COBL: variants seen among roughly 807,000 people sequenced by gnomAD.
COBL encodes cordon-bleu WH2 repeat protein.
In COBL, 51 loss-of-function variants were observed where a neutral mutation model predicts 98.8. The observed-to-expected ratio is 0.52, with a 90% CI of 0.41 to 0.65. The LOEUF is 0.65. Ranked by LOEUF, COBL falls within the 30% of genes least tolerant of loss-of-function variation. COBL has a pLI of 0.00. For missense variants in COBL, 1,617 were observed against 1,617.5 expected, an observed-to-expected ratio of 1.00 and a Z score of 0.01; for synonymous variants, 634 against 651.7, an observed-to-expected ratio of 0.97 and a Z score of 0.41.
rs1018940994 is a variant in COBL at position 51,181,629 on chromosome 7, T to C, written c.783+2473A>G. On this transcript the variant is annotated intron_variant, in intron 5 of 12. Transcript: ENST00000265136. ...AAACGAAGTGTGTCCCAGGCTACAG[T>C]CCTCAACCTTGGCCCAGATAAACTA... 2.0e-5 allele frequency among the ~76,000 whole-genome samples: 3 copies of C among 152,224 alleles called. No individual in the cohort carries two copies. The East Asian group carries it at 5.8e-4, about 29-fold the overall frequency.
intron 2 of COBL, among the ~76,000 whole-genome samples, chr7:51,195,416 A>C (rs1346528691): frequency 6.6e-6 from 1 of 152,194 alleles, no homozygotes; most frequent in Non-Finnish European, 1.5e-5. Flanking sequence ...TGGTTACTGT[A>C]GCCCTATAGT....
intron 1 of COBL, among the ~76,000 whole-genome samples, chr7:51,242,915 G>A (rs914453835): frequency 2.0e-5 from 3 of 152,134 alleles, no homozygotes; most frequent in Non-Finnish European, 4.4e-5. Context: ...CAGGGTAACC[G>A]CTACCAAGGG....
chr7:51,026,538 C>T lies in COBL; in HGVS notation c.3504+8G>A. On this transcript the variant is annotated splice_region_variant and intron_variant, in intron 11 of 12. Coordinates refer to ENST00000265136, the MANE Select transcript of COBL (RefSeq NM_015198.5). ...TCCTGGCGCCATGGAAGGCCCTTCA[C>T]CTCTTACCTTCCTCAGGCTGCAGGT... 1.9e-6 allele frequency: 3 copies of T among 1,613,748 alleles called. No individual in the cohort carries two copies. The highest frequency in any genetic ancestry group is 1.1e-5 in the South Asian group (1 of 91,050).
chr7:51,166,924 C>CA (rs1787375997), intron 5 of COBL, among the ~76,000 whole-genome samples: 1 of 152,014 alleles, frequency 6.6e-6, no homozygotes, highest in African/African-American at 2.4e-5. Flanking sequence ...TAAAAATTCT[C>CA]AAAAAACTGG....
chr7:51,135,178 G>A (rs781000292), intron 6 of COBL, among the ~76,000 whole-genome samples: 1 of 152,130 alleles, frequency 6.6e-6, no homozygotes, highest in Non-Finnish European at 1.5e-5. Flanking sequence ...GCCATGGTTG[G>A]TCTTGAACTC....
rs139044789 is a variant in COBL at position 51,094,387 on chromosome 7, CA to C, written c.958-9084del. ...GAATATAATTTTAATAATCTCACCA[CA>C]AAAAAAAGTTAGTGAGGTAATATAT... is the stretch of plus-strand genomic sequence containing the variant. On this transcript the variant is annotated intron_variant, in intron 6 of 12. Transcript: ENST00000265136. Among the ~76,000 whole-genome samples, 229 of 151,074 alleles carry C rather than the reference CA, an allele frequency of 1.5e-3. 4 individuals are homozygous for C. The East Asian group carries it at 0.039, about 26-fold the overall frequency.
intron 12 of COBL, chr7:51,021,064 T>G (rs902363450): frequency 6.6e-6 from 1 of 152,176 alleles, no homozygotes; most frequent in Non-Finnish European, 1.5e-5. Context: ...GAGGCTGCAC[T>G]GCTAAGGGGA....
intron 5 of COBL, among the ~76,000 whole-genome samples, chr7:51,175,643 G>A (rs1047981891): frequency 3.3e-5 from 5 of 152,052 alleles, no homozygotes; most frequent in African/African-American, 7.2e-5. Context: ...TATTTGTCTC[G>A]GATACTCATT....
chr7:51,264,728 A>C (rs1798043570), intron 1 of COBL, among the ~76,000 whole-genome samples: 1 of 151,934 alleles, frequency 6.6e-6, no homozygotes, highest in Admixed American at 6.6e-5. Context: ...AAATGAACAA[A>C]ATGCTTTTAA....
intron 6 of COBL, among the ~76,000 whole-genome samples, chr7:51,115,821 T>TG (rs1407301027): frequency 1.3e-5 from 2 of 152,110 alleles, no homozygotes; most frequent in African/African-American, 4.8e-5. Flanking sequence ...TCAGTCATGC[T>TG]GTTCTCCAAT....
At chr7:51,230,409 T>C (rs17134193) in intron 1 of COBL, among the ~76,000 whole-genome samples, 6,928 of 152,248 alleles carry the variant, frequency 0.046, 396 homozygotes, top group African/African-American at 0.11. Flanking sequence ...GCCAAGCTGA[T>C]TCCAGCTCTG....
intron 6 of COBL, among the ~76,000 whole-genome samples, chr7:51,130,766 T>C (rs1798666198): frequency 6.6e-6 from 1 of 152,238 alleles, no homozygotes; most frequent in African/African-American, 2.4e-5. Context: ...TTTGGGAGTC[T>C]GGTCAGCATA....
chr7:51,248,967 G>A (rs1796497819), intron 1 of COBL, among the ~76,000 whole-genome samples: 1 of 152,158 alleles, frequency 6.6e-6, no homozygotes, highest in Non-Finnish European at 1.5e-5. Context: ...ATGTAATTAA[G>A]ATTTGGAAAA....
At chr7:51,169,390 G>A (rs76600610) in intron 5 of COBL, among the ~76,000 whole-genome samples, 7,665 of 152,174 alleles carry the variant, frequency 0.05, 287 homozygotes, top group Middle Eastern at 0.14. Flanking sequence ...GGCACATGTC[G>A]TCAGGACCTC....
In COBL at chr7:51,017,131, T is replaced by C. The variant is rs1588217922; in HGVS notation, c.*420A>G. On this transcript the variant is annotated 3_prime_UTR_variant, in exon 13 of 13. Coordinates refer to ENST00000265136, the MANE Select transcript of COBL (RefSeq NM_015198.5). ...CTGATTCATATGTTTTTTCTAAAATTCAAAAGATCTTAAATCAGTAAGTAG... is the reference window on the plus strand; with the variant it reads ...CTGATTCATATGTTTTTTCTAAAATCCAAAAGATCTTAAATCAGTAAGTAG... 2.3e-6 allele frequency: 1 copy of C among 426,070 alleles called. No homozygotes were observed. The highest frequency in any genetic ancestry group is 4.1e-6 in the Non-Finnish European group (1 of 242,794). The allele number at this position is 426,070 out of a possible 1,614,324, so 26.4% of individuals were successfully genotyped here.
chr7:51,206,777 C>A (rs1251717941), intron 2 of COBL, among the ~76,000 whole-genome samples: 1 of 152,200 alleles, frequency 6.6e-6, no homozygotes, highest in Non-Finnish European at 1.5e-5. Context: ...GACAGAAAGA[C>A]AAACACACCA....
chr7:51,262,553 A>C (rs540995613), intron 1 of COBL, among the ~76,000 whole-genome samples: 2 of 152,318 alleles, frequency 1.3e-5, no homozygotes, highest in East Asian at 3.9e-4. Flanking sequence ...GCGCACAGGA[A>C]GGATGCACTG....
At chr7:51,145,624 C>T (rs929624197) in intron 5 of COBL, among the ~76,000 whole-genome samples, 2 of 152,062 alleles carry the variant, frequency 1.3e-5, no homozygotes, top group East Asian at 3.9e-4. Flanking sequence ...GGTGATCTGC[C>T]CACCTCGGCC....
Position 51,017,681 on chromosome 7 carries a change from C to T in COBL, c.3769-113G>A, listed in dbSNP as rs529731730. Reference sequence around the variant, plus strand: ...CACTCTTGCAATAGTACTCCTGGAACCCCCTTCCCAGTTCCTTTGACCTGC... The same window carrying T: ...CACTCTTGCAATAGTACTCCTGGAATCCCCTTCCCAGTTCCTTTGACCTGC... On this transcript the variant is annotated intron_variant, in intron 12 of 12. Coordinates refer to ENST00000265136, the MANE Select transcript of COBL (RefSeq NM_015198.5). 1.8e-5 allele frequency: 20 copies of T among 1,122,118 alleles called. No individual in the cohort carries two copies. In the South Asian group the frequency reaches 2.3e-4, roughly 13 times the overall value. The allele number at this position is 1,122,118 out of a possible 1,614,324, so 69.5% of individuals were successfully genotyped here.
Sources: allele counts gnomAD v4.1 joint callset (sites outside exome capture counted in the v4.1 genomes callset), GRCh38; gene constraint gnomAD v4.1.1; transcripts MANE v1.5; gene names NCBI Gene and HGNC (gene_info 2026-07-23, HGNC 2026-07-21).